Variants in PTPRD observed in about 807,000 individuals in gnomAD.
PTPRD encodes protein tyrosine phosphatase receptor type D.
PTPRD carries 34 observed loss-of-function variants against 214.5 expected under a neutral mutation model. The observed-to-expected ratio is 0.16, with a 90% CI of 0.12 to 0.21. The LOEUF (loss-of-function observed/expected upper bound fraction) is 0.21, where lower values mean the gene tolerates loss of function less well. Ranked by LOEUF, PTPRD falls within the 10% of genes least tolerant of loss-of-function variation. PTPRD has a pLI of 1.00. For missense variants in PTPRD, 2,545 were observed against 2,398.7 expected, an observed-to-expected ratio of 1.06 and a Z score of -1.27; for synonymous variants, 1,128 against 845.7, an observed-to-expected ratio of 1.33 and a Z score of -5.79.
chr9:9,822,233 A>C (rs1000065982), intron 5 of PTPRD, among the ~76,000 whole-genome samples: 1 of 150,660 alleles, frequency 6.6e-6, no homozygotes, highest in Non-Finnish European at 1.5e-5. Flanking sequence ...CAACATGGTG[A>C]AACCCCTTCT....
intron 2 of PTPRD, among the ~76,000 whole-genome samples, chr9:10,401,616 T>A (rs988279547): frequency 2.7e-5 from 4 of 147,712 alleles, no homozygotes; most frequent in Non-Finnish European, 6.1e-5. Flanking sequence ...GATATAACAG[T>A]ATATCTATAG....
At chr9:10,567,600 T>C (rs1413253015) in intron 2 of PTPRD, among the ~76,000 whole-genome samples, 1 of 152,110 alleles carries the variant, frequency 6.6e-6, no homozygotes, top group Non-Finnish European at 1.5e-5. Context: ...GTCTCTAAAG[T>C]TATTTTAGAA....
At chr9:9,551,140 C>A (rs953538421) in intron 8 of PTPRD, among the ~76,000 whole-genome samples, 1 of 151,822 alleles carries the variant, frequency 6.6e-6, no homozygotes, top group Non-Finnish European at 1.5e-5. Context: ...TCACCCTAAA[C>A]CTGCATATGA....
chr9:9,973,776 CTTTT>C (rs200455016), intron 4 of PTPRD, among the ~76,000 whole-genome samples: 4 of 150,112 alleles, frequency 2.7e-5, no homozygotes, highest in South Asian at 4.2e-4. Context: ...AGTAAGGAGT[CTTTT>C]TTTTTCATTT....
At position 9,134,806 on chromosome 9, in the gene PTPRD, C is replaced by CGT. The variant is rs142357379; in HGVS notation, c.-143+48496_-143+48497dup. 4.3e-3 allele frequency among the ~76,000 whole-genome samples: 645 copies of CGT among 150,660 alleles called. 7 individuals are homozygous for CGT. Among genetic ancestry groups the CGT allele is most frequent in the South Asian group, 0.014 (68 of 4,758 alleles). ...TCCTTGAAATCTGGTATTTGGAGTG[C>CGT]GTGTGTGTGTGTGTGTGTTTTCACT... is the stretch of plus-strand genomic sequence containing the variant. On this transcript the variant is annotated intron_variant, in intron 10 of 45. Coordinates refer to ENST00000381196, the MANE Select transcript of PTPRD (RefSeq NM_002839.4).
intron 10 of PTPRD, among the ~76,000 whole-genome samples, chr9:9,023,519 T>A (rs1042574154): frequency 3.3e-5 from 5 of 152,056 alleles, no homozygotes; most frequent in African/African-American, 9.7e-5. Context: ...TATTTACACT[T>A]AGTTGCTTTT....
At chr9:9,777,909 G>T (rs889021913) in intron 5 of PTPRD, among the ~76,000 whole-genome samples, 1 of 152,106 alleles carries the variant, frequency 6.6e-6, no homozygotes, top group Non-Finnish European at 1.5e-5. Context: ...TTATACATGA[G>T]TCATTGTCTA....
intron 11 of PTPRD, among the ~76,000 whole-genome samples, chr9:8,997,624 C>A (rs1189419904): frequency 6.6e-6 from 1 of 151,998 alleles, no homozygotes; most frequent in African/African-American, 2.4e-5. Flanking sequence ...TGAAATTATG[C>A]CCATTAATAA....
chr9:10,171,859 T>C (rs1161550300), intron 3 of PTPRD, among the ~76,000 whole-genome samples: 1 of 152,142 alleles, frequency 6.6e-6, no homozygotes, highest in Non-Finnish European at 1.5e-5. Context: ...AATGGATTAA[T>C]AACCCCCATC....
chr9:8,581,681 A>C (rs1318088527), intron 14 of PTPRD, among the ~76,000 whole-genome samples: 1 of 152,006 alleles, frequency 6.6e-6, no homozygotes, highest in Admixed American at 6.6e-5. Flanking sequence ...CCAGAGGCAA[A>C]GCTTGCAGTG....
At chr9:9,312,991 G>A (rs932966941) in intron 9 of PTPRD, among the ~76,000 whole-genome samples, 1 of 152,058 alleles carries the variant, frequency 6.6e-6, no homozygotes, top group Non-Finnish European at 1.5e-5. Context: ...ACAAAATTAG[G>A]TAAATAATTA....
In PTPRD at chr9:8,726,591, ATATATATAT is replaced by A. The variant is rs2098569315; in HGVS notation, c.64+7180_64+7188del. ...TACTAAAAAAAAAAAAAAAAAAAAT[ATATATATAT>A]ATATATATATATATATATATATATA... On this transcript the variant is annotated intron_variant, in intron 12 of 45. Coordinates refer to ENST00000381196, the MANE Select transcript of PTPRD (RefSeq NM_002839.4). Among the ~76,000 whole-genome samples, 6 of 11,638 alleles carry A rather than the reference ATATATATAT, an allele frequency of 5.2e-4. 1 individual carries two copies. The highest frequency in any genetic ancestry group is 1.5e-3 in the Admixed American group (1 of 688). The allele number at this position is 11,638 out of a possible 152,430, so 7.6% of individuals were successfully genotyped here.
chr9:9,607,339 G>C (rs2094228175), intron 7 of PTPRD, among the ~76,000 whole-genome samples: 1 of 152,064 alleles, frequency 6.6e-6, no homozygotes. Context: ...AATCATAACA[G>C]TTTAAATGTT....
intron 5 of PTPRD, among the ~76,000 whole-genome samples, chr9:9,918,344 A>T (rs1009415680): frequency 1.1e-4 from 11 of 97,352 alleles, no homozygotes; most frequent in Non-Finnish European, 1.8e-4. Flanking sequence ...AAATTTAACC[A>T]AAGAGGTAAA....
intron 9 of PTPRD, among the ~76,000 whole-genome samples, chr9:9,311,876 TTAAATTA>T (rs1808711815): frequency 6.6e-6 from 1 of 152,200 alleles, no homozygotes; most frequent in South Asian, 2.1e-4. Flanking sequence ...AAGCAATTCA[TTAAATTA>T]TAATCAGTAA....
chr9:10,277,195 T>A (rs1322239887), intron 3 of PTPRD, among the ~76,000 whole-genome samples: 1 of 151,364 alleles, frequency 6.6e-6, no homozygotes, highest in East Asian at 1.9e-4. Context: ...AACATAAACA[T>A]AAAACATAAA....
chr9:8,974,790 C>T (rs1416550070), intron 11 of PTPRD, among the ~76,000 whole-genome samples: 9 of 151,866 alleles, frequency 5.9e-5, no homozygotes, highest in Middle Eastern at 6.8e-3. Context: ...CATTAACATA[C>T]CCTATGCACC....
chr9:9,114,410 G>T (rs530180390), intron 10 of PTPRD, among the ~76,000 whole-genome samples: 68 of 152,260 alleles, frequency 4.5e-4, no homozygotes, highest in African/African-American at 1.5e-3. Flanking sequence ...CCTATTCAGG[G>T]CTTGTACAAC....
intron 10 of PTPRD, among the ~76,000 whole-genome samples, chr9:9,167,277 T>C (rs1184569806): frequency 6.6e-6 from 1 of 152,016 alleles, no homozygotes; most frequent in Non-Finnish European, 1.5e-5. Flanking sequence ...TGCTTCTTAT[T>C]TTTTTAAATG....
Sources: allele counts gnomAD v4.1 joint callset (sites outside exome capture counted in the v4.1 genomes callset), GRCh38; gene constraint gnomAD v4.1.1; transcripts MANE v1.5; gene names NCBI Gene and HGNC (gene_info 2026-07-23, HGNC 2026-07-21).